The following PTPRN2 variants were observed in gnomAD, a reference collection of about 807,000 sequenced individuals.
The protein encoded by PTPRN2 is protein tyrosine phosphatase receptor type N2.
Under a neutral mutation model 118.8 loss-of-function variants are expected in PTPRN2, and 74 were observed. The ratio of observed to expected loss-of-function variants is 0.62; its 90% confidence interval spans 0.52 to 0.76. The LOEUF (loss-of-function observed/expected upper bound fraction) is 0.76. Among genes scored for constraint, PTPRN2 ranks in the 30% least tolerant of loss-of-function variants. The pLI is 0.00. For missense variants in PTPRN2, 1,481 were observed against 1,394.4 expected (o/e 1.06, Z -0.99); for synonymous variants, 641 against 608.0 (o/e 1.05, Z -0.80).
chr7:158,254,736 A>T (rs1264130822), intron 3 of PTPRN2, among the ~76,000 whole-genome samples: 3 of 152,218 alleles, frequency 2.0e-5, no homozygotes, highest in Non-Finnish European at 4.4e-5. Flanking sequence ...AAAAATGTAC[A>T]GCCCTCCCTC....
chr7:157,590,316 C>T lies in PTPRN2; in HGVS notation c.2496+4922G>A, dbSNP rs897277661. Reference sequence around the variant, plus strand: ...GCCAGTTTACTACTTACTAGTAACACTGATTTCTGAACTGTAACTCAGACT... The same window carrying T: ...GCCAGTTTACTACTTACTAGTAACATTGATTTCTGAACTGTAACTCAGACT... On this transcript the variant is annotated intron_variant, in intron 17 of 22. Coordinates refer to ENST00000389418, the MANE Select transcript of PTPRN2 (RefSeq NM_002847.5). This position sits in a 1 kb window ranked among gnomAD's most constrained non-coding sequence, Gnocchi z 4.0. 6.6e-6 allele frequency among the ~76,000 whole-genome samples: 1 copy of T among 152,188 alleles called. No homozygotes were observed. The highest frequency in any genetic ancestry group is 1.5e-5 in the Non-Finnish European group (1 of 68,040).
chr7:158,171,878 G>GA (rs1823733508), intron 5 of PTPRN2, among the ~76,000 whole-genome samples: 1 of 152,158 alleles, frequency 6.6e-6, no homozygotes, highest in Non-Finnish European at 1.5e-5. Flanking sequence ...CCCAAACCTG[G>GA]AAATTAGCAG....
intron 12 of PTPRN2, among the ~76,000 whole-genome samples, chr7:157,802,838 T>A (rs1392804093): frequency 1.3e-5 from 2 of 152,268 alleles, no homozygotes; most frequent in Non-Finnish European, 2.9e-5. Flanking sequence ...TCTTTCCATG[T>A]ACAGTGTGTT....
chr7:158,562,101 C>T (rs939541562), intron 1 of PTPRN2, among the ~76,000 whole-genome samples: 2 of 152,204 alleles, frequency 1.3e-5, no homozygotes, highest in Non-Finnish European at 2.9e-5. Context: ...GGAACTGTAA[C>T]AGAATGCCAC....
Position 158,185,359 on chromosome 7 carries a change from T to C in PTPRN2, c.549+6968A>G, listed in dbSNP as rs189892557. Among the ~76,000 whole-genome samples, 164 of 152,352 alleles carry C rather than the reference T, an allele frequency of 1.1e-3. 2 individuals are homozygous for C. Among genetic ancestry groups the C allele is most frequent in the African/African-American group, 3.8e-3 (160 of 41,586 alleles). ...AGGTGTATCATTCTATAAACATCAC[T>C]TAGCTTAGACTGGTTAATGCTGTGG... On this transcript the variant is annotated intron_variant, in intron 5 of 22. Coordinates refer to ENST00000389418, the MANE Select transcript of PTPRN2 (RefSeq NM_002847.5).
chr7:157,578,180 T>C, intron 17 of PTPRN2, 40 bp from the exon 18 acceptor site: 2 of 1,577,282 alleles, frequency 1.3e-6, no homozygotes, highest in Non-Finnish European at 1.7e-6. Flanking sequence ...TGTGACTGTC[T>C]CATCACCGCG....
At chr7:158,433,227 G>T (rs1428840361) in intron 2 of PTPRN2, among the ~76,000 whole-genome samples, 1 of 152,190 alleles carries the variant, frequency 6.6e-6, no homozygotes, top group Admixed American at 6.5e-5. Flanking sequence ...TCAGTTGTAA[G>T]CTGTTATAAA....
At chr7:157,601,888 G>T (rs963670427) in intron 16 of PTPRN2, among the ~76,000 whole-genome samples, 1 of 152,158 alleles carries the variant, frequency 6.6e-6, no homozygotes, top group East Asian at 1.9e-4. Flanking sequence ...TTTTCCTTCG[G>T]ACGGTTTCGT....
At chr7:158,417,996 C>T (rs111232231) in intron 2 of PTPRN2, among the ~76,000 whole-genome samples, 61 of 136,180 alleles carry the variant, frequency 4.5e-4, no homozygotes, top group African/African-American at 3.4e-4. Context: ...TGTTAAGTCA[C>T]GGTGTACTAC....
chr7:158,479,286 C>T (rs1321125975), intron 2 of PTPRN2, among the ~76,000 whole-genome samples: 1 of 152,068 alleles, frequency 6.6e-6, no homozygotes. Context: ...CAATACAAAA[C>T]AGCCTGGACG....
intron 4 of PTPRN2, among the ~76,000 whole-genome samples, chr7:158,195,008 G>A (rs1370939122): frequency 6.6e-6 from 1 of 152,178 alleles, no homozygotes; most frequent in African/African-American, 2.4e-5. Context: ...TGATTTAAGT[G>A]ACAGGAAAAC....
intron 12 of PTPRN2, among the ~76,000 whole-genome samples, chr7:157,829,532 C>T (rs899286741): frequency 2.0e-5 from 3 of 152,210 alleles, no homozygotes; most frequent in East Asian, 3.8e-4. Flanking sequence ...TGCTAAACGG[C>T]GTGAAAGCCT....
rs1563180373 is a variant in PTPRN2 at position 158,342,450 on chromosome 7, CACCCACACTCTCACCATA to C, written c.164-25536_164-25519del. On this transcript the variant is annotated intron_variant, in intron 2 of 22. Coordinates refer to ENST00000389418, the MANE Select transcript of PTPRN2 (RefSeq NM_002847.5). ...AGCTGACACCTGCAGACGTCACTCA[CACCCACACTCTCACCATA>C]AGAGCTGACACCTGCAGACGTCACT... Among the ~76,000 whole-genome samples, 28 of 119,546 alleles carry C rather than the reference CACCCACACTCTCACCATA, an allele frequency of 2.3e-4. 1 individual carries two copies. The highest frequency in any genetic ancestry group is 4.3e-3 in the Middle Eastern group (1 of 234). 78.4% of individuals were successfully genotyped at this position (119,546 alleles called of 152,430 possible). A position where few individuals can be genotyped will look rare whatever the true frequency, so the allele number is the denominator to read the frequency against.
rs147500114 is a variant in PTPRN2, at chr7:157,547,610, A to G, written c.2976+1336T>C. 5.4e-3 allele frequency among the ~76,000 whole-genome samples: 820 copies of G among 152,104 alleles called. 4 individuals carry two copies. The highest frequency in any genetic ancestry group is 0.02 in the Middle Eastern group (6 of 294). Reference sequence around the variant, plus strand: ...ATGCCGAATGCTGTTGTGAACAAGCAGAAGGAAAGACAGACATGTGCACAG... The same window carrying G: ...ATGCCGAATGCTGTTGTGAACAAGCGGAAGGAAAGACAGACATGTGCACAG... On this transcript the variant is annotated intron_variant, in intron 22 of 22. Coordinates refer to ENST00000389418, the MANE Select transcript of PTPRN2 (RefSeq NM_002847.5).
Position 158,146,396 on chromosome 7 carries a change from T to C in PTPRN2, c.911-7881A>G, listed in dbSNP as rs1284591736. Among the ~76,000 whole-genome samples the C allele has an allele frequency of 2.0e-5, 3 of 152,156 alleles. No homozygotes were observed. The East Asian group carries it at 5.8e-4, about 29-fold the overall frequency. ...TGCACCAACCTGTATTGGGCATCTA[T>C]TGTGATCAAAGCCTGGGAACAAACA... On this transcript the variant is annotated intron_variant, in intron 6 of 22. Coordinates refer to ENST00000389418, the MANE Select transcript of PTPRN2 (RefSeq NM_002847.5).
chr7:157,899,052 G>A (rs992268188), intron 11 of PTPRN2, among the ~76,000 whole-genome samples: 1 of 152,216 alleles, frequency 6.6e-6, no homozygotes, highest in African/African-American at 2.4e-5. Context: ...TCTGCAAACT[G>A]CAACGTCTTA....
At chr7:158,540,066 G>C (rs1370751887) in intron 1 of PTPRN2, among the ~76,000 whole-genome samples, 1 of 152,216 alleles carries the variant, frequency 6.6e-6, no homozygotes. Flanking sequence ...GGGACAGGCT[G>C]GTGCTGTGTG....
chr7:157,721,112 A>G (rs1305880859), intron 12 of PTPRN2, among the ~76,000 whole-genome samples: 1 of 152,224 alleles, frequency 6.6e-6, no homozygotes, highest in Non-Finnish European at 1.5e-5. Context: ...GATATAAAAC[A>G]GAAGACTTCG....
At position 157,631,628 on chromosome 7, in the gene PTPRN2, C is replaced by T. The variant is rs530733879; in HGVS notation, c.2197-10119G>A. 2.4e-3 allele frequency among the ~76,000 whole-genome samples: 369 copies of T among 151,744 alleles called. 1 individual carries two copies. The highest frequency in any genetic ancestry group is 6.8e-3 in the Middle Eastern group (2 of 292). On this transcript the variant is annotated intron_variant, in intron 14 of 22. Coordinates refer to ENST00000389418, the MANE Select transcript of PTPRN2 (RefSeq NM_002847.5). ...CGGGTGGATCACGAGGTCAGGAGAT[C>T]GAGTCCATCCTGGCTAACACGGTGA...
Sources: allele counts gnomAD v4.1 joint callset (sites outside exome capture counted in the v4.1 genomes callset), GRCh38; gene constraint gnomAD v4.1.1; non-coding constraint Gnocchi (gnomAD v3.1); transcripts MANE v1.5; gene names NCBI Gene and HGNC (gene_info 2026-07-23, HGNC 2026-07-21).